The following ZSWIM5 variants were observed in gnomAD, a reference collection of about 807,000 sequenced individuals.
ZSWIM5 encodes the protein zinc finger SWIM-type containing 5.
Under a neutral mutation model 119.6 loss-of-function variants are expected in ZSWIM5, and 55 were observed. The observed-to-expected ratio is 0.46, with a 90% CI of 0.37 to 0.58. The LOEUF (loss-of-function observed/expected upper bound fraction) is 0.58. Ranked by LOEUF, ZSWIM5 falls within the 20% of genes least tolerant of loss-of-function variation. The pLI, the probability that ZSWIM5 is intolerant of heterozygous loss-of-function variation, is 0.00. For synonymous variants in ZSWIM5, 537 were observed against 606.9 expected (o/e 0.88, Z 1.69); for missense variants, 1,193 against 1,512.8 (o/e 0.79, Z 3.51).
At chr1:45,184,468 T>C (rs1054031518) in intron 1 of ZSWIM5, among the ~76,000 whole-genome samples, 1 of 152,212 alleles carries the variant, frequency 6.6e-6, no homozygotes, top group Non-Finnish European at 1.5e-5. Flanking sequence ...TGTCCCTGTT[T>C]GCAGATGTCA....
At chr1:45,201,943 T>C (rs1013333471) in intron 1 of ZSWIM5, among the ~76,000 whole-genome samples, 8 of 152,172 alleles carry the variant, frequency 5.3e-5, no homozygotes, top group Admixed American at 2.0e-4. Context: ...AAATCCATTC[T>C]TAACGTTCAG....
chr1:45,182,262 G>A (rs1356774050), intron 1 of ZSWIM5, among the ~76,000 whole-genome samples: 3 of 152,002 alleles, frequency 2.0e-5, no homozygotes, highest in Non-Finnish European at 4.4e-5. Flanking sequence ...AAATTAGCCG[G>A]GCGCAGTGGC....
intron 1 of ZSWIM5, among the ~76,000 whole-genome samples, chr1:45,149,436 T>C (rs1034545247): frequency 6.6e-6 from 1 of 152,246 alleles, no homozygotes; most frequent in Non-Finnish European, 1.5e-5. Flanking sequence ...TATGCTCATA[T>C]AAGGCATACA....
At chr1:45,115,305 C>G (rs552622463) in intron 1 of ZSWIM5, among the ~76,000 whole-genome samples, 1 of 151,780 alleles carries the variant, frequency 6.6e-6, no homozygotes, top group African/African-American at 2.4e-5. Context: ...CTGGATGGGG[C>G]GGCTGGCCGG....
At position 45,088,326 on chromosome 1, in the gene ZSWIM5, A is replaced by G. The variant is rs534120903; in HGVS notation, c.596-89T>C. On this transcript the variant is annotated intron_variant, in intron 1 of 13. Coordinates refer to ENST00000359600, the MANE Select transcript of ZSWIM5 (RefSeq NM_020883.2). The surrounding 1 kb of genome is among the most constrained non-coding windows in gnomAD (Gnocchi z 4.2). ...TACATGTAAATTCATCAATTCATAA[A>G]TTATGTATTGGGTATCTCCTACACA... 2 of 953,904 alleles carry G rather than the reference A, an allele frequency of 2.1e-6. No homozygotes were observed. Among genetic ancestry groups the G allele is most frequent in the East Asian group, 2.6e-5 (1 of 38,484 alleles). 59.1% of individuals were successfully genotyped at this position (953,904 alleles called of 1,614,324 possible).
chr1:45,037,842 G>A (rs1457171141), intron 8 of ZSWIM5, among the ~76,000 whole-genome samples: 1 of 152,192 alleles, frequency 6.6e-6, no homozygotes, highest in Non-Finnish European at 1.5e-5. Context: ...ACCAGTGGGT[G>A]CACAATTTCA....
chr1:45,155,584 C>A (rs991980844), intron 1 of ZSWIM5, among the ~76,000 whole-genome samples: 1 of 152,156 alleles, frequency 6.6e-6, no homozygotes, highest in African/African-American at 2.4e-5. Flanking sequence ...TGCATGTTTA[C>A]GGCAGCGCTA....
chr1:45,111,722 T>A (rs187352716), intron 1 of ZSWIM5, among the ~76,000 whole-genome samples: 1 of 152,370 alleles, frequency 6.6e-6, no homozygotes. Flanking sequence ...CAATCTGACA[T>A]TGAATCTCTT....
chr1:45,155,445 T>C (rs369966526), intron 1 of ZSWIM5, among the ~76,000 whole-genome samples: 4 of 148,578 alleles, frequency 2.7e-5, no homozygotes, highest in African/African-American at 1.1e-4. Flanking sequence ...TGTAAACTAG[T>C]ACAGCCACTA....
At chr1:45,079,042 C>G (rs907745133) in intron 2 of ZSWIM5, among the ~76,000 whole-genome samples, 1 of 152,118 alleles carries the variant, frequency 6.6e-6, no homozygotes, top group African/African-American at 2.4e-5. Context: ...CATTCCACCA[C>G]AAAAGAAGTG....
At chr1:45,164,068 G>T (rs1439240002) in intron 1 of ZSWIM5, among the ~76,000 whole-genome samples, 1 of 152,198 alleles carries the variant, frequency 6.6e-6, no homozygotes, top group Non-Finnish European at 1.5e-5. Flanking sequence ...GGCAGCCAGA[G>T]AGAAAGGTTG....
chr1:45,036,505 C>G (rs751622524), intron 8 of ZSWIM5, among the ~76,000 whole-genome samples: 4 of 151,968 alleles, frequency 2.6e-5, no homozygotes, highest in Non-Finnish European at 5.9e-5. Flanking sequence ...CAGGAGCATG[C>G]CACAACACCT....
chr1:45,063,536 A>G (rs1162540729), intron 2 of ZSWIM5, among the ~76,000 whole-genome samples: 1 of 152,042 alleles, frequency 6.6e-6, no homozygotes, highest in Non-Finnish European at 1.5e-5. Flanking sequence ...CTTCCCCTAC[A>G]CTTATGATAT....
chr1:45,156,901 A>G (rs1176992187), intron 1 of ZSWIM5, among the ~76,000 whole-genome samples: 1 of 152,102 alleles, frequency 6.6e-6, no homozygotes, highest in East Asian at 1.9e-4. Context: ...CAGAGACAAT[A>G]AGAGAGTTCA....
chr1:45,027,315 C>T, intron 11 of ZSWIM5, among the ~76,000 whole-genome samples: 1 of 151,944 alleles, frequency 6.6e-6, no homozygotes, highest in Non-Finnish European at 1.5e-5. Context: ...AACTTATAAA[C>T]TGATTGTTAT....
intron 1 of ZSWIM5, among the ~76,000 whole-genome samples, chr1:45,175,733 T>C (rs896416402): frequency 6.6e-6 from 1 of 151,710 alleles, no homozygotes; most frequent in African/African-American, 2.4e-5. Context: ...ATTATAGGCA[T>C]GAACCATGGC....
intron 2 of ZSWIM5, among the ~76,000 whole-genome samples, chr1:45,079,189 T>C (rs1645273802): frequency 6.6e-6 from 1 of 151,814 alleles, no homozygotes; most frequent in African/African-American, 2.4e-5. Flanking sequence ...CCCCCTTTGA[T>C]TGTAATTTTC....
At chr1:45,096,668 C>T (rs1645405377) in intron 1 of ZSWIM5, among the ~76,000 whole-genome samples, 1 of 152,142 alleles carries the variant, frequency 6.6e-6, no homozygotes, top group African/African-American at 2.4e-5. Context: ...AGTGCATTTA[C>T]CCACCCCTTG....
intron 1 of ZSWIM5, among the ~76,000 whole-genome samples, chr1:45,192,340 T>C (rs1037665536): frequency 6.6e-6 from 1 of 152,228 alleles, no homozygotes; most frequent in Admixed American, 6.5e-5. Context: ...TCTATGAATT[T>C]GCCTACCTAA....
Sources: allele counts gnomAD v4.1 joint callset (sites outside exome capture counted in the v4.1 genomes callset), GRCh38; gene constraint gnomAD v4.1.1; non-coding constraint Gnocchi (gnomAD v3.1); transcripts MANE v1.5; gene names NCBI Gene and HGNC (gene_info 2026-07-23, HGNC 2026-07-21).